Variants in ZNF438 observed in about 807,000 individuals in gnomAD.
The protein encoded by ZNF438 is zinc finger protein 438.
ZNF438 carries 25 observed loss-of-function variants against 38.0 expected under a neutral mutation model. The ratio of observed to expected loss-of-function variants is 0.66; its 90% CI spans 0.48 to 0.92. The LOEUF is 0.92. Ranked by LOEUF, ZNF438 falls within the 40% of genes least tolerant of loss-of-function variation. The pLI is 0.00. For missense variants in ZNF438, 1,007 were observed against 999.6 expected, an observed-to-expected ratio of 1.01 and a Z score of -0.10; for synonymous variants, 372 against 364.1, an observed-to-expected ratio of 1.02 and a Z score of -0.25.
chr10:30,891,506 TAGA>T (rs1198715814), intron 3 of ZNF438, among the ~76,000 whole-genome samples: 1 of 152,198 alleles, frequency 6.6e-6, no homozygotes, highest in Non-Finnish European at 1.5e-5. Flanking sequence ...GTTCTGTTTT[TAGA>T]AGGACTGCAG....
At chr10:30,939,283 C>T (rs1001837455) in intron 2 of ZNF438, among the ~76,000 whole-genome samples, 1 of 152,176 alleles carries the variant, frequency 6.6e-6, no homozygotes, top group African/African-American at 2.4e-5. Flanking sequence ...TGTTTATGTG[C>T]ATACTGACGT....
chr10:30,969,481 C>T (rs1210845614), intron 1 of ZNF438, among the ~76,000 whole-genome samples: 1 of 152,222 alleles, frequency 6.6e-6, no homozygotes, highest in African/African-American at 2.4e-5. Flanking sequence ...GCTAAAGGTG[C>T]TCATTCTTTC....
intron 2 of ZNF438, among the ~76,000 whole-genome samples, chr10:30,940,819 G>A (rs1210941811): frequency 2.0e-5 from 3 of 152,106 alleles, no homozygotes; most frequent in African/African-American, 7.2e-5. Context: ...TACACAAACA[G>A]TTAATAAACA....
intron 3 of ZNF438, among the ~76,000 whole-genome samples, chr10:30,907,544 A>G (rs2134451202): frequency 6.6e-6 from 1 of 152,268 alleles, no homozygotes; most frequent in East Asian, 1.9e-4. Context: ...TCAATCACTT[A>G]ACTTGTTATA....
intron 1 of ZNF438, 51 bp from the exon 3 acceptor site, chr10:30,941,702 C>T (rs1256509975): frequency 2.6e-5 from 4 of 152,040 alleles, no homozygotes; most frequent in Non-Finnish European, 5.9e-5. Flanking sequence ...TTTCTAGGTA[C>T]CTTATAGGAG....
intron 5 of ZNF438, among the ~76,000 whole-genome samples, chr10:30,847,223 T>C (rs1333491318): frequency 6.6e-6 from 1 of 152,192 alleles, no homozygotes; most frequent in Admixed American, 6.5e-5. Context: ...GAGTGGGAAC[T>C]TGTGGTGCTT....
chr10:31,000,992 C>T (rs12219452), intron 1 of ZNF438, among the ~76,000 whole-genome samples: 5,214 of 152,170 alleles, frequency 0.034, 167 homozygotes, highest in East Asian at 0.13. Context: ...AAGTCCTGTT[C>T]GAGAGTTATC....
chr10:31,009,390 C>A (rs1187262202), intron 1 of ZNF438, among the ~76,000 whole-genome samples: 3 of 152,224 alleles, frequency 2.0e-5, no homozygotes, highest in Non-Finnish European at 4.4e-5. Context: ...AATATTGTGA[C>A]AACACGTCCA....
intron 1 of ZNF438, among the ~76,000 whole-genome samples, chr10:31,015,180 T>G (rs1250209309): frequency 6.6e-6 from 1 of 152,198 alleles, no homozygotes; most frequent in Non-Finnish European, 1.5e-5. Context: ...TTACTGTTAT[T>G]GATCTTGTCA....
At chr10:31,018,263 ACCT>A (rs1380066587) in intron 1 of ZNF438, among the ~76,000 whole-genome samples, 1 of 152,102 alleles carries the variant, frequency 6.6e-6, no homozygotes, top group Non-Finnish European at 1.5e-5. Context: ...GGCAGAGAGA[ACCT>A]CCTTTAGCTG....
At chr10:30,944,217 T>G (rs1325338351) in intron 1 of ZNF438, among the ~76,000 whole-genome samples, 1 of 152,216 alleles carries the variant, frequency 6.6e-6, no homozygotes, top group Admixed American at 6.5e-5. Flanking sequence ...CAGAACTTGC[T>G]TGTCCAAATG....
intron 3 of ZNF438, among the ~76,000 whole-genome samples, chr10:30,890,142 C>CA (rs1159694062): frequency 6.7e-6 from 1 of 148,946 alleles, no homozygotes; most frequent in African/African-American, 2.5e-5. Context: ...CTTAGAAGTC[C>CA]AAAAAACATT....
At chr10:30,972,487 T>C (rs778195179) in intron 1 of ZNF438, among the ~76,000 whole-genome samples, 1 of 152,200 alleles carries the variant, frequency 6.6e-6, no homozygotes, top group Non-Finnish European at 1.5e-5. Context: ...TTCCTTCAGA[T>C]CATCTAGATT....
At chr10:30,996,729 C>T (rs1157781549) in intron 1 of ZNF438, among the ~76,000 whole-genome samples, 1 of 151,920 alleles carries the variant, frequency 6.6e-6, no homozygotes, top group African/African-American at 2.4e-5. Flanking sequence ...ATATAACACT[C>T]CACTCAACAA....
Position 30,960,356 on chromosome 10 carries a change from G to A in ZNF438, c.-191-18705C>T, listed in dbSNP as rs571045548. Among the ~76,000 whole-genome samples, 229 of 146,956 alleles carry A rather than the reference G, an allele frequency of 1.6e-3. 23 individuals carry two copies. Among genetic ancestry groups the A allele is most frequent in the Non-Finnish European group, 3.1e-3 (200 of 64,752 alleles). On this transcript the variant is annotated intron_variant, in intron 1 of 5. Coordinates refer to ENST00000413025, the Ensembl canonical transcript of ZNF438. ...ACCTAACAACTCTGCCTAATCCAAG[G>A]TCATAAAGTTTCTTCTATGCTTTCT...
intron 4 of ZNF438, chr10:30,875,644 T>C: frequency 2.1e-6 from 2 of 943,622 alleles, no homozygotes; most frequent in Non-Finnish European, 2.5e-6. Flanking sequence ...TTATTTCTAG[T>C]TGGGGTTTGC....
intron 1 of ZNF438, among the ~76,000 whole-genome samples, chr10:30,978,579 T>C (rs572844059): frequency 1.3e-5 from 2 of 152,298 alleles, no homozygotes; most frequent in South Asian, 4.1e-4. Flanking sequence ...ACACAACCAT[T>C]ATCCCAAAAA....
chr10:30,972,614 C>T (rs2050870426), intron 1 of ZNF438, among the ~76,000 whole-genome samples: 1 of 152,106 alleles, frequency 6.6e-6, no homozygotes, highest in Admixed American at 6.5e-5. Context: ...GCACCATGGG[C>T]CAGACTCAGC....
chr10:31,016,849 A>G (rs1258362306), intron 1 of ZNF438, among the ~76,000 whole-genome samples: 1 of 152,214 alleles, frequency 6.6e-6, no homozygotes, highest in Non-Finnish European at 1.5e-5. Context: ...AATACGTACC[A>G]AAGGTGGGAG....
Sources: allele counts gnomAD v4.1 joint callset (sites outside exome capture counted in the v4.1 genomes callset), GRCh38; gene constraint gnomAD v4.1.1; transcripts MANE v1.5; gene names NCBI Gene and HGNC (gene_info 2026-07-23, HGNC 2026-07-21).